The following SULF1 variants were observed in gnomAD, a reference collection of about 807,000 sequenced individuals.
The protein encoded by SULF1 is sulfatase 1.
In SULF1, 46 loss-of-function variants were observed where a neutral mutation model predicts 110.5. The ratio of observed to expected loss-of-function variants is 0.42; its 90% confidence interval spans 0.33 to 0.53. The LOEUF (loss-of-function observed/expected upper bound fraction) is 0.53, where lower values mean the gene tolerates loss of function less well. SULF1 is among the 20% of genes least tolerant of loss of function. The pLI is 0.12. For synonymous variants in SULF1, 371 were observed against 387.1 expected (o/e 0.96, Z 0.49); for missense variants, 941 against 1,094.2 (o/e 0.86, Z 1.98).
chr8:69,514,679 C>A (rs1234062969), intron 3 of SULF1, among the ~76,000 whole-genome samples: 3 of 152,208 alleles, frequency 2.0e-5, no homozygotes, highest in Non-Finnish European at 4.4e-5. Context: ...CAAGGCAAGT[C>A]CCTTCTGCCT....
intron 6 of SULF1, among the ~76,000 whole-genome samples, chr8:69,582,330 G>A (rs561814335): frequency 1.4e-4 from 22 of 152,280 alleles, no homozygotes; most frequent in African/African-American, 3.4e-4. Flanking sequence ...ACTCTAGTGC[G>A]AGATTTCCTT....
At chr8:69,598,110 C>CA (rs35655573) in intron 8 of SULF1, among the ~76,000 whole-genome samples, 82,135 of 139,160 alleles carry the variant, frequency 0.59, 24,766 homozygotes, top group African/African-American at 0.82. Context: ...TCTTTCAGGC[C>CA]AAAAAAAAAA....
intron 3 of SULF1, among the ~76,000 whole-genome samples, chr8:69,527,165 A>G (rs556792772): frequency 6.6e-6 from 1 of 152,106 alleles, no homozygotes; most frequent in Non-Finnish European, 1.5e-5. Flanking sequence ...AGAGTATACA[A>G]GGACTCTTCA....
At chr8:69,488,755 T>A (rs528198529), upstream of SULF1, among the ~76,000 whole-genome samples, 4 of 151,874 alleles carry the variant, frequency 2.6e-5, no homozygotes, top group Admixed American at 2.0e-4. Context: ...AAAAGTCACA[T>A]AAACTCACAG....
In SULF1 at chr8:69,601,669, G is replaced by A. The variant is rs548432777; in HGVS notation, c.901G>A (p.Val301Met). The change falls in exon 10 of 23, where the codon GTG becomes ATG. Residue 301 changes from valine to methionine, a missense_variant. Val to Met is a conservative substitution (Grantham distance 21). This residue lies in a region of SULF1 where 822 missense variants were observed against 934.3 expected (regional missense o/e 0.88). Coordinates refer to ENST00000402687, the MANE Select transcript of SULF1 (RefSeq NM_001128205.2). ...DSVERLYNML[V>M]ETGELENTYI... Reference sequence around the variant, plus strand: ...TGTATTTCAGCTGTATAACATGCTCGTGGAGACGGGGGAGCTGGAGAATAC... The same window carrying A: ...TGTATTTCAGCTGTATAACATGCTCATGGAGACGGGGGAGCTGGAGAATAC... The A allele has an allele frequency of 1.8e-5, 29 of 1,610,264 alleles. No individual in the cohort carries two copies. In the South Asian group the frequency reaches 1.9e-4, roughly 10 times the overall value.
chr8:69,593,655 G>A (rs1807070810), intron 8 of SULF1, among the ~76,000 whole-genome samples: 1 of 152,160 alleles, frequency 6.6e-6, no homozygotes, highest in African/African-American at 2.4e-5. Context: ...AGAGTGAAAG[G>A]GGATTATCGA....
chr8:69,648,070 T>G (rs1420916446), intron 22 of SULF1, among the ~76,000 whole-genome samples: 2 of 150,920 alleles, frequency 1.3e-5, no homozygotes, highest in African/African-American at 4.9e-5. Flanking sequence ...ATATTATGTT[T>G]CAAGTAGCAT....
At chr8:69,595,978 T>C (rs963603599) in intron 8 of SULF1, among the ~76,000 whole-genome samples, 4 of 152,174 alleles carry the variant, frequency 2.6e-5, no homozygotes, top group African/African-American at 9.7e-5. Flanking sequence ...CTTATTTCTG[T>C]CGTGTCAGTA....
chr8:69,521,036 C>T (rs144294273), intron 3 of SULF1, among the ~76,000 whole-genome samples: 3 of 152,240 alleles, frequency 2.0e-5, no homozygotes, highest in African/African-American at 7.2e-5. Flanking sequence ...TGCTTGGAAC[C>T]TATTCTAATT....
intron 8 of SULF1, among the ~76,000 whole-genome samples, chr8:69,595,172 A>G (rs7813654): frequency 0.012 from 1,847 of 152,302 alleles, 30 homozygotes; most frequent in African/African-American, 0.031. Context: ...ACAAAGACCC[A>G]AAGTCTATAT....
rs575178969 is a variant in SULF1, at chr8:69,484,615, C to G, written c.-390-11150C>G. 1.7e-4 allele frequency among the ~76,000 whole-genome samples: 26 copies of G among 152,266 alleles called. No homozygotes were observed. The South Asian group carries it at 5.0e-3, about 29-fold the overall frequency. ...TCTGTGGATGTTTCAACAAATGTGG[C>G]CTTTAACTATCTGGATAATCTTTTT... On this transcript the variant is annotated intron_variant, in intron 1 of 22. Coordinates refer to the SULF1 transcript ENST00000260128.
intron 22 of SULF1, among the ~76,000 whole-genome samples, chr8:69,651,071 TGAGACAGAGTTTTGCTC>T (rs1812307136): frequency 6.7e-6 from 1 of 150,196 alleles, no homozygotes; most frequent in African/African-American, 2.5e-5. Context: ...TTTTTTTTTT[TGAGACAGAGTTTTGCTC>T]TGTCTCCCAA....
chr8:69,486,457 G>A (rs1005097435), intron 1 of SULF1, among the ~76,000 whole-genome samples: 4 of 152,066 alleles, frequency 2.6e-5, no homozygotes, highest in Non-Finnish European at 5.9e-5. Context: ...ATTACATGGA[G>A]GCAGTTTACA....
At chr8:69,548,913 A>G (rs1344521178) in intron 3 of SULF1, among the ~76,000 whole-genome samples, 1 of 152,152 alleles carries the variant, frequency 6.6e-6, no homozygotes, top group Non-Finnish European at 1.5e-5. Context: ...AATGATTGTC[A>G]CCACCTCCCC....
intron 3 of SULF1, among the ~76,000 whole-genome samples, chr8:69,548,614 ATTT>A (rs3059933): frequency 1.7e-5 from 2 of 120,908 alleles, no homozygotes; most frequent in South Asian, 2.8e-4. Context: ...TGCCTCGCTG[ATTT>A]TTTTTTTTTT....
At chr8:69,573,668 G>A (rs968455354) in intron 5 of SULF1, among the ~76,000 whole-genome samples, 1 of 152,092 alleles carries the variant, frequency 6.6e-6, no homozygotes, top group Non-Finnish European at 1.5e-5. Context: ...AATGAGACAT[G>A]GTAGAAATCT....
chr8:69,548,069 C>T (rs1414688539), intron 3 of SULF1, among the ~76,000 whole-genome samples: 2 of 152,118 alleles, frequency 1.3e-5, no homozygotes, highest in Non-Finnish European at 2.9e-5. Flanking sequence ...GATGATGCCC[C>T]CCTACACAAG....
chr8:69,557,604 A>C (rs1030074135), intron 3 of SULF1, among the ~76,000 whole-genome samples: 1 of 152,150 alleles, frequency 6.6e-6, no homozygotes, highest in Non-Finnish European at 1.5e-5. Context: ...AAAACCTAGA[A>C]AACTTAAGTT....
intron 10 of SULF1, among the ~76,000 whole-genome samples, chr8:69,602,863 C>A (rs530776952): frequency 6.6e-6 from 1 of 152,096 alleles, no homozygotes; most frequent in Admixed American, 6.5e-5. Flanking sequence ...TCTTGTTCAA[C>A]GGAAAAGTTA....
Sources: gnomAD v4.1 joint callset for allele counts (sites outside exome capture counted in the v4.1 genomes callset) on GRCh38, gnomAD v4.1.1 for gene constraint, gnomAD v4.1.1 regional missense constraint, MANE v1.5 for transcripts, NCBI Gene and HGNC (gene_info 2026-07-23, HGNC 2026-07-21) for gene names.